Variants in DIS3 observed in about 807,000 individuals in gnomAD.
DIS3 encodes exosome complex exonuclease RRP44.
DIS3 carries 103 observed loss-of-function variants against 113.0 expected under a neutral mutation model. The ratio of observed to expected loss-of-function variants is 0.91; its 90% CI spans 0.78 to 1.07. The LOEUF is 1.07. DIS3 is among the 50% of genes least tolerant of loss of function. The pLI is 0.00. For synonymous variants in DIS3, 402 were observed against 394.3 expected (o/e 1.02, Z -0.23); for missense variants, 1,121 against 1,167.1 (o/e 0.96, Z 0.58).
chr13:72,753,665 A>G lies in DIS3; in HGVS notation c.*6130T>C. On this transcript the variant is annotated 3_prime_UTR_variant, in exon 21 of 21. Coordinates refer to ENST00000377767, the MANE Select transcript of DIS3 (RefSeq NM_014953.5). ...TTGACTTTTAAGTTCCTCACAATAT[A>G]TTTTTTTCTTTTTTCTCCTGTCAGA... 2 of 1,598,830 alleles carry G rather than the reference A, an allele frequency of 1.3e-6. No individual in the cohort carries two copies. The highest frequency in any genetic ancestry group is 1.7e-6 in the Non-Finnish European group (2 of 1,173,364).
At position 72,772,265 on chromosome 13, in the gene DIS3, T is replaced by A; in HGVS notation, c.1397A>T (p.Asn466Ile). Reference sequence around the variant, plus strand: ...ACACAGATGCCTCAGGTCTTCTCGGTTTTTCATGTCCTAGAAGACATGAAA... The same window carrying A: ...ACACAGATGCCTCAGGTCTTCTCGGATTTTCATGTCCTAGAAGACATGAAA... ...PWSITEKDMK[N>I]REDLRHLCIC... Residue 466 changes from asparagine (N) to isoleucine (I), a missense_variant, in exon 10 of 21, where the codon AAC becomes ATC. Asn to Ile is a moderately radical substitution (Grantham distance 149, BLOSUM62 -3). This residue lies in a region of DIS3 where 861 missense variants were observed against 915.5 expected (regional missense o/e 0.94). Coordinates refer to ENST00000377767, the MANE Select transcript of DIS3 (RefSeq NM_014953.5). 6.2e-7 allele frequency: 1 copy of A among 1,610,886 alleles called. No homozygotes were observed. The highest frequency in any genetic ancestry group is 8.5e-7 in the Non-Finnish European group (1 of 1,178,866).
In DIS3 at chr13:72,753,648, T is replaced by A. The variant is rs1380946150; in HGVS notation, c.*6147A>T. ...TTTACTTATTTAAATATTTGACTTT[T>A]AAGTTCCTCACAATATATTTTTTTC... On this transcript the variant is annotated 3_prime_UTR_variant, in exon 21 of 21. Coordinates refer to ENST00000377767, the MANE Select transcript of DIS3 (RefSeq NM_014953.5). 6.3e-7 allele frequency: 1 copy of A among 1,583,150 alleles called. No individual in the cohort carries two copies. The highest frequency in any genetic ancestry group is 8.6e-7 in the Non-Finnish European group (1 of 1,162,286).
In DIS3 at chr13:72,758,086, TTTATATC is replaced by T. The variant is rs1359705342; in HGVS notation, c.*1702_*1708del. 1.1e-5 allele frequency: 2 copies of T among 184,602 alleles called. No individual in the cohort carries two copies. The highest frequency in any genetic ancestry group is 2.3e-5 in the Non-Finnish European group (2 of 87,096). The allele number at this position is 184,602 out of a possible 1,614,324, so 11.4% of individuals were successfully genotyped here. ...TAAATGTCCTAAATAGGTGTACCAT[TTTATATC>T]TTATATATATCTATATATATATTTT... On this transcript the variant is annotated 3_prime_UTR_variant, in exon 21 of 21. Coordinates refer to ENST00000377767, the MANE Select transcript of DIS3 (RefSeq NM_014953.5).
Position 72,763,440 on chromosome 13 carries a change from T to C in DIS3, c.2127+11A>G, listed in dbSNP as rs201655243. ...CACAAATAGATGATTTTTCAAACTG[T>C]AGGACCTTACCCTTGACCTGGCTGC... is the stretch of plus-strand genomic sequence containing the variant. On this transcript the variant is annotated intron_variant, in intron 16 of 20. Coordinates refer to ENST00000377767, the MANE Select transcript of DIS3 (RefSeq NM_014953.5). 23 of 1,606,990 alleles carry C rather than the reference T, an allele frequency of 1.4e-5. No homozygotes were observed. The highest frequency in any genetic ancestry group is 2.0e-5 in the Non-Finnish European group (23 of 1,177,972).
intron 18 of DIS3, 29 bp from the exon 19 acceptor site, chr13:72,761,550 T>C (rs867674694): frequency 1.3e-6 from 2 of 1,541,936 alleles, no homozygotes; most frequent in South Asian, 2.5e-5. Flanking sequence ...CTTATTTAAA[T>C]TGTCTTAAAA....
intron 15 of DIS3, among the ~76,000 whole-genome samples, chr13:72,764,160 A>G (rs1181562612): frequency 6.6e-6 from 1 of 152,124 alleles, no homozygotes; most frequent in African/African-American, 2.4e-5. Context: ...TCAAAAAACA[A>G]CAACAAAATT....
chr13:72,763,544 A>C lies in DIS3; in HGVS notation c.2034T>G (p.Ile678Met), dbSNP rs1229262751. 1 of 1,613,834 alleles carries C rather than the reference A, an allele frequency of 6.2e-7. No individual in the cohort carries two copies. The highest frequency in any genetic ancestry group is 1.1e-5 in the South Asian group (1 of 90,960). The change falls in exon 16 of 21, where the codon ATT (isoleucine) becomes ATG (methionine). Residue 678 changes from isoleucine (I) to methionine (M), a missense_variant. Physicochemically the swap from Ile to Met is conservative, Grantham distance 10. This residue lies in a region of DIS3 where 861 missense variants were observed against 915.5 expected (regional missense o/e 0.94). Transcript: ENST00000377767. Reference protein sequence around the residue: ...LLANISVAKKIHEEFSEHALL... With the variant: ...LLANISVAKKMHEEFSEHALL... ...GAGCATGTTCAGAAAATTCCTCATG[A>C]ATTTTTTTTGCAACAGAAATATTGG...
Position 72,776,102 on chromosome 13 carries a change from A to C in DIS3, c.655-10T>G. ...CACTTTCTATTTCATTCTATGAAAG[A>C]AGCAAACCAAAAGATGCCGCTAATA... On this transcript the variant is annotated splice_polypyrimidine_tract_variant and intron_variant, in intron 4 of 20. Coordinates refer to ENST00000377767, the MANE Select transcript of DIS3 (RefSeq NM_014953.5). 6.3e-7 allele frequency: 1 copy of C among 1,582,624 alleles called. No homozygotes were observed. Among genetic ancestry groups the C allele is most frequent in the Non-Finnish European group, 8.5e-7 (1 of 1,170,766 alleles).
intron 8 of DIS3, 30 bp downstream of exon 8, chr13:72,773,654 C>G: frequency 6.3e-7 from 1 of 1,583,312 alleles, no homozygotes; most frequent in South Asian, 1.2e-5. Context: ...AATTAAACAT[C>G]CCCACATAAA....
At chr13:72,763,804 T>C (rs2033687071) in intron 15 of DIS3, among the ~76,000 whole-genome samples, 197 bp from the exon 16 acceptor site, 1 of 152,184 alleles carries the variant, frequency 6.6e-6, no homozygotes. Flanking sequence ...TAACAATCTC[T>C]TATTATGCAA....
intron 14 of DIS3, 119 bp from the exon 15 acceptor site, chr13:72,766,177 G>A: frequency 1.3e-6 from 1 of 777,896 alleles, no homozygotes; most frequent in Non-Finnish European, 1.9e-6. Flanking sequence ...TTGCTCTTCT[G>A]AAGGCTTTAT....
At chr13:72,767,509 T>A (rs1247351347) in intron 14 of DIS3, among the ~76,000 whole-genome samples, 1 of 152,158 alleles carries the variant, frequency 6.6e-6, no homozygotes, top group African/African-American at 2.4e-5. Flanking sequence ...GCCCAAATGA[T>A]CCTTTCTGTT....
intron 9 of DIS3, 136 bp downstream of exon 9, chr13:72,772,557 A>T: frequency 1.0e-6 from 1 of 969,630 alleles, no homozygotes; most frequent in Non-Finnish European, 1.5e-6. Context: ...TATAATTCCT[A>T]AGAATGCTAT....
chr13:72,753,902 A>G lies in DIS3; in HGVS notation c.*5893T>C. 1 of 1,294,568 alleles carries G rather than the reference A, an allele frequency of 7.7e-7. No homozygotes were observed. Among genetic ancestry groups the G allele is most frequent in the South Asian group, 1.5e-5 (1 of 68,020 alleles). 80.2% of individuals were successfully genotyped at this position (1,294,568 alleles called of 1,614,324 possible). ...ATTTTGATTATTAGACAATAGTACTATTGAGAAACTATATGAAATTTAAAA... is the reference window on the plus strand; with the variant it reads ...ATTTTGATTATTAGACAATAGTACTGTTGAGAAACTATATGAAATTTAAAA... On this transcript the variant is annotated 3_prime_UTR_variant, in exon 21 of 21. Transcript: ENST00000377767.
chr13:72,774,426 A>G (rs1042325215), intron 6 of DIS3, among the ~76,000 whole-genome samples: 14 of 152,156 alleles, frequency 9.2e-5, no homozygotes, highest in African/African-American at 3.4e-4. Context: ...TGTACAAATT[A>G]GCTATGTGGT....
chr13:72,781,235 G>T (rs1395381791), intron 1 of DIS3: 4 of 1,534,070 alleles, frequency 2.6e-6, no homozygotes, highest in African/African-American at 2.7e-5. Flanking sequence ...AGAATTAAGG[G>T]TATTAATAAA....
At chr13:72,772,400 C>T (rs2033907348) in intron 9 of DIS3, 125 bp from the exon 10 acceptor site, 1 of 778,142 alleles carries the variant, frequency 1.3e-6, no homozygotes, top group Non-Finnish European at 2.0e-6. Flanking sequence ...TTGATGACAA[C>T]CACATTTCTT....
rs374997916 is a variant in DIS3 at position 72,755,268 on chromosome 13, G to C, written c.*4527C>G. ...AGCTTAAGAGTTCCTCGCATATATCGTTGTGCACAGGATCAACATGATGGT... is the reference window on the plus strand; with the variant it reads ...AGCTTAAGAGTTCCTCGCATATATCCTTGTGCACAGGATCAACATGATGGT... On this transcript the variant is annotated 3_prime_UTR_variant, in exon 21 of 21. Coordinates refer to ENST00000377767, the MANE Select transcript of DIS3 (RefSeq NM_014953.5). 1 of 1,444,878 alleles carries C rather than the reference G, an allele frequency of 6.9e-7. No homozygotes were observed. The highest frequency in any genetic ancestry group is 9.7e-7 in the Non-Finnish European group (1 of 1,030,940). 89.5% of individuals were successfully genotyped at this position (1,444,878 alleles called of 1,614,324 possible).
Position 72,781,191 on chromosome 13 carries a change from A to C in DIS3, c.229-188T>G, listed in dbSNP as rs576399996. The C allele has an allele frequency of 1.1e-4, 164 of 1,467,584 alleles. 1 individual carries two copies. In the South Asian group the frequency reaches 2.0e-3, roughly 18 times the overall value. 90.9% of individuals were successfully genotyped at this position (1,467,584 alleles called of 1,614,324 possible). A position where few individuals can be genotyped will look rare whatever the true frequency, so the allele number is the denominator to read the frequency against. ...TAAACCCTTCAGATCTATTAAAAAA[A>C]GCACACTTAAACAGACCAATCACAA... On this transcript the variant is annotated intron_variant, in intron 1 of 20. Coordinates refer to ENST00000377767, the MANE Select transcript of DIS3 (RefSeq NM_014953.5).
Sources: gnomAD v4.1 joint callset for allele counts (sites outside exome capture counted in the v4.1 genomes callset) on GRCh38, gnomAD v4.1.1 for gene constraint, gnomAD v4.1.1 regional missense constraint, MANE v1.5 for transcripts, NCBI Gene and HGNC (gene_info 2026-07-23, HGNC 2026-07-21) for gene names.